The following PRKG1 variants were observed in gnomAD, a reference collection of about 807,000 sequenced individuals.
PRKG1 encodes protein kinase cGMP-dependent 1.
In PRKG1, 35 loss-of-function variants were observed where a neutral mutation model predicts 88.1. The observed-to-expected ratio is 0.40, with a 90% CI of 0.30 to 0.53. The LOEUF is 0.53. Among genes scored for constraint, PRKG1 ranks in the 20% least tolerant of loss-of-function variants. The pLI, the probability that PRKG1 is intolerant of heterozygous loss-of-function variation, is 0.59. For missense variants in PRKG1, 540 were observed against 839.8 expected (o/e 0.64, Z 4.41); for synonymous variants, 303 against 292.5 (o/e 1.04, Z -0.37).
chr10:51,979,678 A>C (rs1297897257), intron 5 of PRKG1, among the ~76,000 whole-genome samples: 1 of 96,886 alleles, frequency 1.0e-5, no homozygotes, highest in African/African-American at 4.1e-5. Flanking sequence ...GGAGTTCATT[A>C]TTGGTCTGAT....
At chr10:51,479,788 G>T (rs1349679829) in intron 3 of PRKG1, among the ~76,000 whole-genome samples, 1 of 142,582 alleles carries the variant, frequency 7.0e-6, no homozygotes, top group Non-Finnish European at 1.5e-5. Flanking sequence ...GAGAGAATTG[G>T]TGTCTTTCTA....
chr10:51,150,608 A>G (rs1186564854), intron 1 of PRKG1, among the ~76,000 whole-genome samples: 1 of 152,168 alleles, frequency 6.6e-6, no homozygotes, highest in Non-Finnish European at 1.5e-5. Context: ...GTATGAAGGT[A>G]TAAATAGTAA....
intron 4 of PRKG1, among the ~76,000 whole-genome samples, chr10:51,850,834 C>A (rs1037888429): frequency 5.3e-5 from 8 of 152,112 alleles, no homozygotes; most frequent in African/African-American, 1.9e-4. Context: ...ACAACATACT[C>A]TTTGACAATG....
chr10:52,280,299 C>T (rs1191677611), intron 12 of PRKG1, among the ~76,000 whole-genome samples: 2 of 152,034 alleles, frequency 1.3e-5, no homozygotes, highest in African/African-American at 4.8e-5. Context: ...AAAACAGTTG[C>T]TTTTATTCAG....
intron 4 of PRKG1, among the ~76,000 whole-genome samples, chr10:51,825,604 C>T (rs1200979273): frequency 6.6e-6 from 1 of 152,158 alleles, no homozygotes; most frequent in Non-Finnish European, 1.5e-5. Flanking sequence ...CCTGTGCCTA[C>T]AACAGCTGCC....
In PRKG1 at chr10:52,193,548, C is replaced by CAAAAAAAAAAAA. The variant is rs34730000; in HGVS notation, c.1076+31588_1076+31599dup. 3.3e-4 allele frequency among the ~76,000 whole-genome samples: 14 copies of CAAAAAAAAAAAA among 42,830 alleles called. 1 individual carries two copies. Among genetic ancestry groups the CAAAAAAAAAAAA allele is most frequent in the African/African-American group, 9.6e-4 (13 of 13,538 alleles). The allele number at this position is 42,830 out of a possible 152,430, so 28.1% of individuals were successfully genotyped here. ...GAACAAAAAGAGTGAGACTCTGTCT[C>CAAAAAAAAAAAA]AAAAAAAAAAAAAACAAAAAAAAAA... On this transcript the variant is annotated intron_variant, in intron 9 of 17. Transcript: ENST00000373980.
chr10:51,891,579 A>G (rs1564695617), intron 4 of PRKG1, among the ~76,000 whole-genome samples: 1 of 152,208 alleles, frequency 6.6e-6, no homozygotes, highest in Non-Finnish European at 1.5e-5. Context: ...ATCATTTACT[A>G]GGCATTAAGC....
At chr10:51,961,207 G>A (rs922735703) in intron 5 of PRKG1, among the ~76,000 whole-genome samples, 1 of 152,000 alleles carries the variant, frequency 6.6e-6, no homozygotes, top group Non-Finnish European at 1.5e-5. Context: ...TTGGTTTCAG[G>A]ATCCCCTTAA....
chr10:51,556,832 T>A (rs1397537920), intron 3 of PRKG1, among the ~76,000 whole-genome samples: 1 of 152,020 alleles, frequency 6.6e-6, no homozygotes, highest in East Asian at 1.9e-4. Flanking sequence ...TCACGCAATA[T>A]ACCCATGTAA....
At chr10:51,256,188 G>A (rs1054790834) in intron 2 of PRKG1, among the ~76,000 whole-genome samples, 3 of 152,078 alleles carry the variant, frequency 2.0e-5, no homozygotes, top group Admixed American at 6.6e-5. Context: ...CTTCCCAAGA[G>A]CCCCCACAGA....
chr10:51,712,663 C>T (rs970954352), intron 3 of PRKG1, among the ~76,000 whole-genome samples: 2 of 142,968 alleles, frequency 1.4e-5, no homozygotes, highest in Admixed American at 7.4e-5. Flanking sequence ...AGTCTCGGCT[C>T]ACTGCAATCT....
intron 2 of PRKG1, among the ~76,000 whole-genome samples, chr10:51,396,482 T>C (rs1837580707): frequency 6.6e-6 from 1 of 152,162 alleles, no homozygotes; most frequent in South Asian, 2.1e-4. Flanking sequence ...CTAAAAGAAG[T>C]TCCTTCAAGA....
chr10:51,765,815 AT>A (rs398046339), intron 3 of PRKG1, among the ~76,000 whole-genome samples: 7,281 of 133,786 alleles, frequency 0.054, 134 homozygotes, highest in East Asian at 0.087. Flanking sequence ...GCCTTACATG[AT>A]TTTTTTTTTT....
At chr10:51,988,810 G>T (rs557995299) in intron 5 of PRKG1, among the ~76,000 whole-genome samples, 1 of 151,848 alleles carries the variant, frequency 6.6e-6, no homozygotes, top group African/African-American at 2.4e-5. Flanking sequence ...TAGCTTGTCT[G>T]TTTCACTTTA....
Position 51,169,544 on chromosome 10 carries a change from T to C in PRKG1, c.478+16214T>C, listed in dbSNP as rs115353411. On this transcript the variant is annotated intron_variant, in intron 2 of 17. Transcript: ENST00000373980. The stretch of plus-strand genomic sequence containing the variant: ...TTTCTTCTCTTAAAAAGACAGCTCT[T>C]ATGAGGTAAGCAACATTGGAAGATA... Among the ~76,000 whole-genome samples, 747 of 152,282 alleles carry C rather than the reference T, an allele frequency of 4.9e-3. 9 individuals carry two copies. Among genetic ancestry groups the C allele is most frequent in the African/African-American group, 0.017 (693 of 41,568 alleles).
intron 3 of PRKG1, among the ~76,000 whole-genome samples, chr10:51,800,954 A>G (rs1015763748): frequency 1.3e-5 from 2 of 152,132 alleles, no homozygotes; most frequent in African/African-American, 4.8e-5. Flanking sequence ...ACAAACATTC[A>G]GTCCCTAACC....
At chr10:51,581,300 G>A (rs1319229251) in intron 3 of PRKG1, among the ~76,000 whole-genome samples, 2 of 152,124 alleles carry the variant, frequency 1.3e-5, no homozygotes, top group Non-Finnish European at 2.9e-5. Flanking sequence ...ATATTAATCA[G>A]CAGGAACAGT....
intron 3 of PRKG1, among the ~76,000 whole-genome samples, chr10:51,604,524 C>G (rs748152673): frequency 6.6e-6 from 1 of 152,150 alleles, no homozygotes; most frequent in Non-Finnish European, 1.5e-5. Context: ...CATGGGCTCT[C>G]GCCACACAGA....
At chr10:52,073,935 A>T (rs1429362514) in intron 7 of PRKG1, among the ~76,000 whole-genome samples, 1 of 152,224 alleles carries the variant, frequency 6.6e-6, no homozygotes, top group Non-Finnish European at 1.5e-5. Context: ...CTACTTCCAC[A>T]ATAATCAAGA....
Sources: gnomAD v4.1 joint callset for allele counts (sites outside exome capture counted in the v4.1 genomes callset) on GRCh38, gnomAD v4.1.1 for gene constraint, MANE v1.5 for transcripts, NCBI Gene and HGNC (gene_info 2026-07-23, HGNC 2026-07-21) for gene names.